The following RAD50 variants were observed in gnomAD, a reference collection of about 807,000 sequenced individuals.
The protein encoded by RAD50 is DNA repair protein RAD50.
A neutral mutation model predicts 168.8 loss-of-function variants in RAD50; 132 were observed. The observed-to-expected ratio is 0.78, with a 90% CI of 0.68 to 0.90. RAD50 has a LOEUF of 0.90. Ranked by LOEUF, RAD50 falls within the 40% of genes least tolerant of loss-of-function variation. The probability of loss-of-function intolerance (pLI) is 0.00; values close to 1 mark genes in which losing one functional copy is unlikely to be tolerated. For synonymous variants in RAD50, 525 were observed against 497.4 expected, an observed-to-expected ratio of 1.06 and a Z score of -0.74; for missense variants, 1,347 against 1,534.4, an observed-to-expected ratio of 0.88 and a Z score of 2.04.
intron 21 of RAD50, among the ~76,000 whole-genome samples, chr5:132,622,795 T>C (rs1751307136): frequency 6.6e-6 from 1 of 152,214 alleles, no homozygotes; most frequent in Non-Finnish European, 1.5e-5. Context: ...TCTTTAGTAG[T>C]GTTGTTTTTT....
At position 132,642,830 on chromosome 5, in the gene RAD50, G is replaced by T; in HGVS notation, c.*466G>T. 1 of 360,820 alleles carries T rather than the reference G, an allele frequency of 2.8e-6. No individual in the cohort carries two copies. The highest frequency in any genetic ancestry group is 5.5e-6 in the Non-Finnish European group (1 of 183,186). 22.4% of individuals were successfully genotyped at this position (360,820 alleles called of 1,614,324 possible). On this transcript the variant is annotated 3_prime_UTR_variant, in exon 25 of 25. Transcript: ENST00000378823. ...ATCTGAGGATGACCAGAAATGGTGA[G>T]ATGTATGTTTGGCTCTGCTTTTAAC...
chr5:132,565,292 G>GTT (rs34776903), intron 2 of RAD50, among the ~76,000 whole-genome samples: 1 of 149,542 alleles, frequency 6.7e-6, no homozygotes, highest in Admixed American at 6.7e-5. Context: ...CCAGTTTCAG[G>GTT]TTTTTTTTTT....
intron 7 of RAD50, 148 bp downstream of exon 7, chr5:132,588,237 A>G: frequency 9.9e-7 from 1 of 1,010,184 alleles, no homozygotes; most frequent in Non-Finnish European, 1.4e-6. Flanking sequence ...TAACATTTTT[A>G]TAATGTCAAA....
Position 132,643,982 on chromosome 5 carries a change from C to A in RAD50, c.*1618C>A, listed in dbSNP as rs1244509095. 4.4e-6 allele frequency: 1 copy of A among 226,102 alleles called. No individual in the cohort carries two copies. Among genetic ancestry groups the A allele is most frequent in the Non-Finnish European group, 8.8e-6 (1 of 113,648 alleles). 14.0% of individuals were successfully genotyped at this position (226,102 alleles called of 1,614,324 possible). A position where few individuals can be genotyped will look rare whatever the true frequency, so the allele number is the denominator to read the frequency against. On this transcript the variant is annotated 3_prime_UTR_variant, in exon 25 of 25. Coordinates refer to ENST00000378823, the MANE Select transcript of RAD50 (RefSeq NM_005732.4). Reference sequence around the variant, plus strand: ...CTCACAGTTTTGCAAATAATATTTTCTTAATGTTATCTGTTGCTAAATCAA... The same window carrying A: ...CTCACAGTTTTGCAAATAATATTTTATTAATGTTATCTGTTGCTAAATCAA...
Position 132,575,866 on chromosome 5 carries a change from G to A in RAD50, c.303G>A (p.Val101=), listed in dbSNP as rs781766028. ...TTATAGCTGTGCAAAGATCTATGGT[G>A]TGTACTCAGAAAAGCAAAAAGACAG... The part of the protein sequence containing the change: ...GELIAVQRSM[V]CTQKSKKTEF... The change falls in exon 3 of 25, where the codon GTG becomes GTA. Residue 101 remains valine, a synonymous_variant. Coordinates refer to ENST00000378823, the MANE Select transcript of RAD50 (RefSeq NM_005732.4). 15 of 1,608,938 alleles carry A rather than the reference G, an allele frequency of 9.3e-6. No homozygotes were observed. The highest frequency in any genetic ancestry group is 1.3e-5 in the Non-Finnish European group (15 of 1,175,310).
At position 132,609,335 on chromosome 5, in the gene RAD50, AAC is replaced by A. The variant is rs767281258; in HGVS notation, c.2979_2980del (p.His993GlnfsTer6). 1 of 1,613,866 alleles carries A rather than the reference AAC, an allele frequency of 6.2e-7. No homozygotes were observed. Among genetic ancestry groups the A allele is most frequent in the Non-Finnish European group, 8.5e-7 (1 of 1,179,902 alleles). ...ATAGCTCAACTAAGTGAATGCGAGA[AAC>A]ACAAAGAAAAGATAAATGAAGATAT... is the stretch of plus-strand genomic sequence containing the variant. On this transcript the variant is annotated frameshift_variant, in exon 19 of 25. Transcript: ENST00000378823. LOFTEE classifies it high-confidence loss of function.
At chr5:132,565,612 C>T (rs1031508591) in intron 2 of RAD50, among the ~76,000 whole-genome samples, 4 of 152,272 alleles carry the variant, frequency 2.6e-5, no homozygotes, top group Admixed American at 2.0e-4. Context: ...TGACCTGAAT[C>T]TCCCCAGATC....
chr5:132,573,951 C>T (rs1430964185), intron 2 of RAD50, among the ~76,000 whole-genome samples: 1 of 152,220 alleles, frequency 6.6e-6, no homozygotes, highest in Non-Finnish European at 1.5e-5. Context: ...TCTGGCTTTG[C>T]AGGGTATAGC....
intron 19 of RAD50, among the ~76,000 whole-genome samples, chr5:132,611,431 C>T (rs1023091931): frequency 9.9e-5 from 15 of 151,132 alleles, no homozygotes; most frequent in Admixed American, 5.9e-4. Flanking sequence ...AACAGCCAGG[C>T]GTGGTGGCTC....
intron 23 of RAD50, among the ~76,000 whole-genome samples, chr5:132,639,196 T>C (rs1245884858): frequency 6.6e-6 from 1 of 151,668 alleles, no homozygotes; most frequent in Non-Finnish European, 1.5e-5. Flanking sequence ...CTATTAAAAA[T>C]ACAAAAATTA....
At chr5:132,584,708 A>T (rs1374477966) in intron 5 of RAD50, among the ~76,000 whole-genome samples, 6 of 152,172 alleles carry the variant, frequency 3.9e-5, no homozygotes, top group African/African-American at 1.4e-4. Flanking sequence ...ATGTCCAATG[A>T]TGATAGACTG....
chr5:132,580,067 G>A lies in RAD50; in HGVS notation c.756+1G>A. The A allele has an allele frequency of 6.2e-7, 1 of 1,604,674 alleles. No homozygotes were observed. ...TGAGAATGAACTTGATCCATTGAAG[G>A]TAACTTGATTTTATTTTTAATTGAC... On this transcript the variant is annotated splice_donor_variant, in intron 5 of 24. Transcript: ENST00000378823. LOFTEE classifies it high-confidence loss of function.
rs534139510 is a variant in RAD50 at position 132,603,571 on chromosome 5, C to T, written c.2397+82C>T. Reference sequence around the variant, plus strand: ...GAAGTGTGAGAGTTAAAAATAGTAGCTAGTATTCAGGTACAGGTTGTGTTT... The same window carrying T: ...GAAGTGTGAGAGTTAAAAATAGTAGTTAGTATTCAGGTACAGGTTGTGTTT... On this transcript the variant is annotated intron_variant, in intron 14 of 24. Coordinates refer to ENST00000378823, the MANE Select transcript of RAD50 (RefSeq NM_005732.4). 62 of 1,414,976 alleles carry T rather than the reference C, an allele frequency of 4.4e-5. 1 individual carries two copies. Among genetic ancestry groups the T allele is most frequent in the Middle Eastern group, 3.5e-4 (2 of 5,670 alleles). The allele number at this position is 1,414,976 out of a possible 1,614,324, so 87.7% of individuals were successfully genotyped here.
At chr5:132,566,948 CCTG>C (rs1280289382) in intron 2 of RAD50, among the ~76,000 whole-genome samples, 1 of 152,172 alleles carries the variant, frequency 6.6e-6, no homozygotes, top group Non-Finnish European at 1.5e-5. Context: ...GTTAGATGCT[CCTG>C]CTTTGTACTC....
chr5:132,614,319 T>C (rs574546397), intron 19 of RAD50, among the ~76,000 whole-genome samples: 8 of 152,268 alleles, frequency 5.3e-5, no homozygotes, highest in Admixed American at 3.9e-4. Flanking sequence ...ACAACAAGCA[T>C]AGTACCCCAT....
intron 2 of RAD50, among the ~76,000 whole-genome samples, chr5:132,571,858 A>G (rs1445616021): frequency 6.6e-6 from 1 of 152,224 alleles, no homozygotes; most frequent in Non-Finnish European, 1.5e-5. Context: ...ACCTGATTCT[A>G]GTCGTGAGGA....
At chr5:132,564,913 G>T (rs1284768504) in intron 2 of RAD50, among the ~76,000 whole-genome samples, 1 of 152,188 alleles carries the variant, frequency 6.6e-6, no homozygotes, top group African/African-American at 2.4e-5. Context: ...GGGTTGCGCA[G>T]AGAACAAGAG....
Position 132,642,456 on chromosome 5 carries a change from A to AAAT in RAD50, c.*94_*96dup. Reference sequence around the variant, plus strand: ...TCTCATATCAACTTAGTCAATAAGAAAATATATTCTTTCAAAGGAACATTG... The same window carrying AAAT: ...TCTCATATCAACTTAGTCAATAAGAAAATAATATATTCTTTCAAAGGAACATTG... On this transcript the variant is annotated 3_prime_UTR_variant, in exon 25 of 25. Transcript: ENST00000378823. 8.5e-7 allele frequency: 1 copy of AAAT among 1,172,860 alleles called. No individual in the cohort carries two copies. The highest frequency in any genetic ancestry group is 1.2e-6 in the Non-Finnish European group (1 of 818,054). The allele number at this position is 1,172,860 out of a possible 1,614,324, so 72.7% of individuals were successfully genotyped here.
At chr5:132,581,309 G>A (rs1277162223) in intron 5 of RAD50, among the ~76,000 whole-genome samples, 20 of 152,004 alleles carry the variant, frequency 1.3e-4, no homozygotes, top group Non-Finnish European at 2.8e-4. Context: ...TAGTAGAGAC[G>A]GGGTTTCTCC....
Sources: gnomAD v4.1 joint callset for allele counts (sites outside exome capture counted in the v4.1 genomes callset) on GRCh38, gnomAD v4.1.1 for gene constraint, MANE v1.5 for transcripts, NCBI Gene and HGNC (gene_info 2026-07-23, HGNC 2026-07-21) for gene names.